RBM6: variants seen among roughly 807,000 people sequenced by gnomAD.
The protein encoded by RBM6 is RNA-binding protein 6.
A neutral mutation model predicts 140.4 loss-of-function variants in RBM6; 23 were observed. The ratio of observed to expected loss-of-function variants is 0.16; its 90% CI spans 0.12 to 0.23. The LOEUF is 0.23. Ranked by LOEUF, RBM6 falls within the 10% of genes least tolerant of loss-of-function variation. The pLI, the probability that RBM6 is intolerant of heterozygous loss-of-function variation, is 1.00. For synonymous variants in RBM6, 439 were observed against 475.6 expected, an observed-to-expected ratio of 0.92 and a Z score of 1.00; for missense variants, 1,139 against 1,386.7, an observed-to-expected ratio of 0.82 and a Z score of 2.84.
chr3:50,046,528 G>C (rs2089232709), intron 6 of RBM6, among the ~76,000 whole-genome samples: 1 of 150,310 alleles, frequency 6.7e-6, no homozygotes, highest in Admixed American at 6.7e-5. Flanking sequence ...GCAGTGAGCC[G>C]AGATCACGCC....
chr3:49,955,160 C>CT (rs869272546), intron 1 of RBM6, among the ~76,000 whole-genome samples: 31,835 of 69,410 alleles, frequency 0.46, 10,418 homozygotes, highest in East Asian at 0.74. Flanking sequence ...TTTTTTCTTT[C>CT]TTTTTTTTTT....
intron 6 of RBM6, among the ~76,000 whole-genome samples, chr3:50,007,095 G>A (rs1226795535): frequency 6.6e-6 from 1 of 151,864 alleles, no homozygotes; most frequent in Non-Finnish European, 1.5e-5. Context: ...CAGTGCCTAG[G>A]AGGATTTTTT....
At chr3:49,995,412 C>A (rs184004111) in intron 5 of RBM6, among the ~76,000 whole-genome samples, 1 of 151,808 alleles carries the variant, frequency 6.6e-6, no homozygotes, top group African/African-American at 2.4e-5. Flanking sequence ...AAAAATTAGC[C>A]GGGCGTGGTA....
intron 5 of RBM6, among the ~76,000 whole-genome samples, chr3:49,982,110 C>T (rs2085330102): frequency 6.6e-6 from 1 of 152,104 alleles, no homozygotes; most frequent in South Asian, 2.1e-4. Context: ...GGTGAATGGA[C>T]AGTCTCTGTA....
chr3:50,064,144 G>C (rs2090039315), intron 15 of RBM6, among the ~76,000 whole-genome samples: 1 of 152,038 alleles, frequency 6.6e-6, no homozygotes. Context: ...TGTTGGTCAA[G>C]CTGGTCTCGA....
intron 6 of RBM6, among the ~76,000 whole-genome samples, chr3:50,042,753 TAA>T (rs371621988): frequency 3.4e-5 from 5 of 148,560 alleles, no homozygotes; most frequent in African/African-American, 1.2e-4. Context: ...GTCTTTTTTT[TAA>T]AAAAAAAAGA....
chr3:50,031,727 T>TA (rs1349697804), intron 6 of RBM6, among the ~76,000 whole-genome samples: 7 of 150,364 alleles, frequency 4.7e-5, no homozygotes, highest in Admixed American at 2.0e-4. Context: ...ACTTAAAGTA[T>TA]AAAAAAAAAG....
At chr3:50,031,351 G>A (rs1341837785) in intron 6 of RBM6, among the ~76,000 whole-genome samples, 3 of 152,186 alleles carry the variant, frequency 2.0e-5, no homozygotes, top group Non-Finnish European at 4.4e-5. Flanking sequence ...ATCAATGATA[G>A]ACTGGATTAA....
At position 49,959,227 on chromosome 3, in the gene RBM6, C is replaced by T. The variant is rs181817147; in HGVS notation, c.-66-3349C>T. On this transcript the variant is annotated intron_variant, in intron 1 of 20. Transcript: ENST00000266022. ...TTTTTGAGATGGAGTCTCGCTCTGTCGCCCAGGCTGGAGTGCAGTGGCGTG... is the reference window on the plus strand; with the variant it reads ...TTTTTGAGATGGAGTCTCGCTCTGTTGCCCAGGCTGGAGTGCAGTGGCGTG... Among the ~76,000 whole-genome samples the T allele has an allele frequency of 1.5e-3, 197 of 129,202 alleles. 2 individuals carry two copies. Among genetic ancestry groups the T allele is most frequent in the African/African-American group, 5.8e-3 (190 of 32,924 alleles). The allele number at this position is 129,202 out of a possible 152,430, so 84.8% of individuals were successfully genotyped here.
intron 6 of RBM6, among the ~76,000 whole-genome samples, chr3:50,006,900 C>T (rs1575670611): frequency 1.3e-5 from 2 of 148,642 alleles, no homozygotes; most frequent in Non-Finnish European, 3.0e-5. Flanking sequence ...CCACTGCACT[C>T]CAGCCTGGGC....
intron 6 of RBM6, among the ~76,000 whole-genome samples, chr3:50,035,500 G>A (rs2108837346): frequency 6.6e-6 from 1 of 152,004 alleles, no homozygotes; most frequent in South Asian, 2.1e-4. Context: ...GGCTAATACG[G>A]TGAAACCCCG....
chr3:50,005,358 T>G (rs1389960484), intron 6 of RBM6, among the ~76,000 whole-genome samples: 1 of 151,928 alleles, frequency 6.6e-6, no homozygotes, highest in Non-Finnish European at 1.5e-5. Flanking sequence ...ATTAGCTGGG[T>G]GTAGTGGCAC....
intron 6 of RBM6, among the ~76,000 whole-genome samples, chr3:50,007,708 T>C (rs982566263): frequency 6.6e-5 from 10 of 151,944 alleles, no homozygotes; most frequent in African/African-American, 1.4e-4. Context: ...AATTTTTTTG[T>C]ATTTTTAGTA....
At chr3:49,994,345 G>A in intron 5 of RBM6, among the ~76,000 whole-genome samples, 1 of 152,046 alleles carries the variant, frequency 6.6e-6, no homozygotes, top group Non-Finnish European at 1.5e-5. Flanking sequence ...TTATATCCAC[G>A]AGCCACCACA....
At chr3:50,067,127 C>T (rs2090148296) in intron 17 of RBM6, among the ~76,000 whole-genome samples, 1 of 136,730 alleles carries the variant, frequency 7.3e-6, no homozygotes, top group African/African-American at 2.8e-5. Flanking sequence ...GCAAAGGTTG[C>T]AGTGAACCGA....
At chr3:49,941,291 C>T (rs1263376893) in intron 1 of RBM6, among the ~76,000 whole-genome samples, 1 of 152,282 alleles carries the variant, frequency 6.6e-6, no homozygotes, top group African/African-American at 2.4e-5. Context: ...CAGAAACTAG[C>T]ATCTAACTAG....
At chr3:50,067,578 T>C (rs2090162106) in intron 17 of RBM6, among the ~76,000 whole-genome samples, 1 of 152,238 alleles carries the variant, frequency 6.6e-6, no homozygotes, top group African/African-American at 2.4e-5. Context: ...AATTCTGCCA[T>C]TTCTTCATGT....
chr3:50,020,455 T>C (rs2087418757), intron 6 of RBM6, among the ~76,000 whole-genome samples: 1 of 152,178 alleles, frequency 6.6e-6, no homozygotes, highest in Non-Finnish European at 1.5e-5. Context: ...GAAGCTCAGA[T>C]TATTGATTTT....
chr3:50,049,865 T>TA (rs1417412396), intron 7 of RBM6, among the ~76,000 whole-genome samples: 4 of 151,410 alleles, frequency 2.6e-5, no homozygotes, highest in East Asian at 1.9e-4. Flanking sequence ...TTTTTTTTTT[T>TA]AAATAAGAGA....
Sources: gnomAD v4.1 joint callset for allele counts (sites outside exome capture counted in the v4.1 genomes callset) on GRCh38, gnomAD v4.1.1 for gene constraint, MANE v1.5 for transcripts, NCBI Gene and HGNC (gene_info 2026-07-23, HGNC 2026-07-21) for gene names.